Variants in ORC1 observed in about 807,000 individuals in gnomAD.
ORC1 encodes the protein origin recognition complex subunit 1.
ORC1 carries 61 observed loss-of-function variants against 98.9 expected under a neutral mutation model. The observed-to-expected ratio is 0.62, with a 90% CI of 0.50 to 0.76. ORC1 has a LOEUF of 0.76. Ranked by LOEUF, ORC1 falls within the 30% of genes least tolerant of loss-of-function variation. ORC1 has a pLI of 0.00. For missense variants in ORC1, 979 were observed against 1,072.2 expected (o/e 0.91, Z 1.21); for synonymous variants, 385 against 406.9 (o/e 0.95, Z 0.65).
intron 7 of ORC1, 82 bp downstream of exon 7, chr1:52,389,135 A>C: frequency 1.0e-6 from 1 of 1,002,754 alleles, no homozygotes; most frequent in Non-Finnish European, 1.6e-6. Context: ...GCAAATAAAC[A>C]GTATAAGAGG....
At chr1:52,407,078 C>T (rs143782908), upstream of ORC1, among the ~76,000 whole-genome samples, 1,950 of 152,268 alleles carry the variant, frequency 0.013, 36 homozygotes, top group African/African-American at 0.044. Context: ...AGTGCAGTGG[C>T]GCAGTCTCGG....
At chr1:52,389,546 T>G (rs981859225) in intron 6 of ORC1, among the ~76,000 whole-genome samples, 1 of 152,174 alleles carries the variant, frequency 6.6e-6, no homozygotes, top group African/African-American at 2.4e-5. Context: ...CTTAACCTTA[T>G]TTAAATTAGA....
At chr1:52,394,608 A>G (rs967823947) in intron 5 of ORC1, among the ~76,000 whole-genome samples, 3 of 152,072 alleles carry the variant, frequency 2.0e-5, no homozygotes, top group Non-Finnish European at 4.4e-5. Flanking sequence ...GAGGGGACAT[A>G]TGAGGACCTA....
chr1:52,394,226 T>C (rs903663028), intron 5 of ORC1, among the ~76,000 whole-genome samples: 2 of 152,204 alleles, frequency 1.3e-5, no homozygotes, highest in Non-Finnish European at 2.9e-5. Flanking sequence ...CCAGATTATA[T>C]CTGCCAATAG....
At chr1:52,388,829 C>T (rs925437469) in intron 7 of ORC1, among the ~76,000 whole-genome samples, 192 bp from the exon 8 acceptor site, 1 of 151,944 alleles carries the variant, frequency 6.6e-6, no homozygotes, top group Non-Finnish European at 1.5e-5. Flanking sequence ...AACTTTATGA[C>T]ATGTATATTA....
rs1315891402 is a variant in ORC1 at position 52,372,874 on chromosome 1, G to C, written c.*307C>G. The C allele has an allele frequency of 1.1e-5, 4 of 362,636 alleles. No individual in the cohort carries two copies. The highest frequency in any genetic ancestry group is 1.3e-4 in the East Asian group (2 of 15,260). 22.5% of individuals were successfully genotyped at this position (362,636 alleles called of 1,614,324 possible). A position where few individuals can be genotyped will look rare whatever the true frequency, so the allele number is the denominator to read the frequency against. ...TAATGGAAAATTCCAAAATACATGA[G>C]AGCCATTTCCATTCAATATACTTTG... On this transcript the variant is annotated 3_prime_UTR_variant, in exon 17 of 17. Transcript: ENST00000371568.
intron 16 of ORC1, 81 bp downstream of exon 16, chr1:52,374,729 T>C: frequency 1.1e-6 from 1 of 918,468 alleles, no homozygotes; most frequent in Non-Finnish European, 1.8e-6. Context: ...AAATAGAGTG[T>C]CACACATTCA....
At chr1:52,402,284 T>C (rs1647750785) in intron 1 of ORC1, 56 bp from the exon 2 acceptor site, 2 of 1,333,172 alleles carry the variant, frequency 1.5e-6, no homozygotes, top group East Asian at 2.3e-5. Context: ...ATTTATCTGA[T>C]GGATTCTAAG....
chr1:52,408,832 G>A, upstream of ORC1: 2 of 1,059,770 alleles, frequency 1.9e-6, no homozygotes, highest in East Asian at 5.2e-5. Context: ...GTTTTCCCTT[G>A]TCCCTCATGG....
At chr1:52,383,057 G>C (rs761405592) in intron 13 of ORC1, among the ~76,000 whole-genome samples, 1 of 151,606 alleles carries the variant, frequency 6.6e-6, no homozygotes, top group Non-Finnish European at 1.5e-5. Flanking sequence ...ATTTATTTTA[G>C]TATTCATTTT....
intron 3 of ORC1, among the ~76,000 whole-genome samples, chr1:52,399,612 AG>A (rs754450011): frequency 3.8e-5 from 5 of 133,156 alleles, no homozygotes; most frequent in Non-Finnish European, 6.3e-5. Context: ...CGACACAGCG[AG>A]ACTCTGTCTC....
In ORC1 at chr1:52,402,141, T is replaced by C. The variant is rs1289766387; in HGVS notation, c.83A>G (p.Tyr28Cys). 2 of 1,613,696 alleles carry C rather than the reference T, an allele frequency of 1.2e-6. No homozygotes were observed. Among genetic ancestry groups the C allele is most frequent in the East Asian group, 2.2e-5 (1 of 44,884 alleles). Residue 28 changes from tyrosine (Y) to cysteine (C), a missense_variant, in exon 2 of 17, where the codon TAC becomes TGC. Physicochemically the swap from Tyr to Cys is radical, Grantham distance 194. Coordinates refer to ENST00000371568, the MANE Select transcript of ORC1 (RefSeq NM_004153.4). Reference protein sequence around the residue: ...GRPLLDRKLHYQTYREMCVKT... With the variant: ...GRPLLDRKLHCQTYREMCVKT... ...CCCCATCACTCACCTATAGGTTTGG[T>C]AGTGCAGTTTTCGATCCAACAAGGG... is the stretch of plus-strand genomic sequence containing the variant.
intron 15 of ORC1, among the ~76,000 whole-genome samples, 179 bp downstream of exon 15, chr1:52,375,251 C>T (rs1646979359): frequency 6.6e-6 from 1 of 152,010 alleles, no homozygotes; most frequent in Admixed American, 6.6e-5. Context: ...TATAATATAG[C>T]TCAATAAGTG....
chr1:52,408,483 T>C, upstream of ORC1: 1 of 1,562,148 alleles, frequency 6.4e-7, no homozygotes, highest in Non-Finnish European at 8.8e-7. Flanking sequence ...AGAACATGTT[T>C]ATCCACTACT....
intron 2 of ORC1, 45 bp downstream of exon 2, chr1:52,402,084 T>G: frequency 1.0e-4 from 140 of 1,380,816 alleles, no homozygotes; most frequent in Non-Finnish European, 1.4e-4. Context: ...CTGTTTAGCT[T>G]GAGAAGCTGT....
At chr1:52,389,800 A>C (rs1298605799) in intron 6 of ORC1, among the ~76,000 whole-genome samples, 1 of 152,266 alleles carries the variant, frequency 6.6e-6, no homozygotes, top group South Asian at 2.1e-4. Context: ...TTTGTACAGC[A>C]AAGTTTGTTC....
rs143140206 is a variant in ORC1 at position 52,378,073 on chromosome 1, G to A, written c.2134-2474C>T. 7.8e-3 allele frequency among the ~76,000 whole-genome samples: 1,185 copies of A among 152,284 alleles called. 17 individuals carry two copies. Among genetic ancestry groups the A allele is most frequent in the African/African-American group, 0.027 (1,127 of 41,574 alleles). On this transcript the variant is annotated intron_variant, in intron 14 of 16. Transcript: ENST00000371568. ...TAAAAAAACCGGGCTGGGGCGGGGC[G>A]CGGTGGCTCACGCCTGTAATCCCAG... is the stretch of plus-strand genomic sequence containing the variant.
At chr1:52,384,818 C>G (rs928574461) in intron 10 of ORC1, 97 bp from the exon 11 acceptor site, 2 of 1,127,808 alleles carry the variant, frequency 1.8e-6, no homozygotes, top group East Asian at 2.5e-5. Flanking sequence ...AGGGAAGGAC[C>G]GAGACCCTTG....
In ORC1 at chr1:52,380,618, C is replaced by G. The variant is rs534684298; in HGVS notation, c.2133+1024G>C. Among the ~76,000 whole-genome samples the G allele has an allele frequency of 1.7e-3, 265 of 151,754 alleles. 2 individuals carry two copies. The highest frequency in any genetic ancestry group is 6.8e-3 in the Admixed American group (103 of 15,244). On this transcript the variant is annotated intron_variant, in intron 14 of 16. Transcript: ENST00000371568. ...GCTGAGGCAGGAGAATCTCTTGAAC[C>G]TAGAAGGCGGAGGTTGCAGTGAGCT... is the stretch of plus-strand genomic sequence containing the variant.
Sources: allele counts gnomAD v4.1 joint callset (sites outside exome capture counted in the v4.1 genomes callset), GRCh38; gene constraint gnomAD v4.1.1; transcripts MANE v1.5; gene names NCBI Gene and HGNC (gene_info 2026-07-23, HGNC 2026-07-21).